The following ADAM12 variants were observed in gnomAD, a reference collection of about 807,000 sequenced individuals.
ADAM12 encodes the protein ADAM metallopeptidase domain 12, also known as disintegrin and metalloproteinase domain-containing protein 12.
In ADAM12, 70 loss-of-function variants were observed where a neutral mutation model predicts 106.4. The ratio of observed to expected loss-of-function variants is 0.66; its 90% CI spans 0.54 to 0.80. The LOEUF is 0.80. ADAM12 is among the 30% of genes least tolerant of loss of function. ADAM12 has a pLI of 0.00. For missense variants in ADAM12, 1,010 were observed against 1,171.9 expected, an observed-to-expected ratio of 0.86 and a Z score of 2.02; for synonymous variants, 420 against 433.5, an observed-to-expected ratio of 0.97 and a Z score of 0.39.
chr10:126,253,420 C>T (rs1336419593), intron 3 of ADAM12, among the ~76,000 whole-genome samples: 2 of 152,200 alleles, frequency 1.3e-5, no homozygotes, highest in Non-Finnish European at 2.9e-5. Flanking sequence ...GATTTATGCT[C>T]GCTTATCATT....
At chr10:126,023,643 T>C (rs1953812534) in intron 21 of ADAM12, among the ~76,000 whole-genome samples, 1 of 152,164 alleles carries the variant, frequency 6.6e-6, no homozygotes, top group Admixed American at 6.6e-5. Context: ...CATACTATAA[T>C]CTATCCCCAG....
intron 3 of ADAM12, among the ~76,000 whole-genome samples, chr10:126,168,143 C>T (rs924218697): frequency 6.6e-6 from 1 of 152,164 alleles, no homozygotes; most frequent in African/African-American, 2.4e-5. Context: ...GCCTTTTCAG[C>T]TGGGCTAACT....
At chr10:126,302,590 C>T (rs1017506905) in intron 2 of ADAM12, among the ~76,000 whole-genome samples, 154 of 152,144 alleles carry the variant, frequency 1.0e-3, no homozygotes, top group African/African-American at 3.5e-3. Context: ...AAGGGGAGGA[C>T]GTCTGAAGAG....
rs77583688 is a variant in ADAM12 at position 126,225,174 on chromosome 10, C to A, written c.260+53741G>T. Among the ~76,000 whole-genome samples the A allele has an allele frequency of 0.01, 1,582 of 152,332 alleles. 98 individuals carry two copies. In the East Asian group the frequency reaches 0.17, roughly 17 times the overall value. On this transcript the variant is annotated intron_variant, in intron 3 of 22. Coordinates refer to ENST00000448723, the MANE Select transcript of ADAM12 (RefSeq NM_001288973.2). ...AAAACATTCCTGACCATTTGTACCA[C>A]ATACACCTCTGCCCGACCCCTGGAA...
At chr10:126,018,912 C>T (rs1953708656) in intron 22 of ADAM12, among the ~76,000 whole-genome samples, 1 of 152,306 alleles carries the variant, frequency 6.6e-6, no homozygotes, top group Non-Finnish European at 1.5e-5. Flanking sequence ...ACTAATGTCT[C>T]AGGACCTCAG....
intron 3 of ADAM12, among the ~76,000 whole-genome samples, chr10:126,158,140 G>A (rs1956853057): frequency 6.6e-6 from 1 of 152,224 alleles, no homozygotes; most frequent in African/African-American, 2.4e-5. Flanking sequence ...GGGGCTGAGA[G>A]GGGACATGGG....
Position 126,064,702 on chromosome 10 carries a change from C to T in ADAM12, c.1609+104G>A, listed in dbSNP as rs1954827872. 3.2e-6 allele frequency: 4 copies of T among 1,256,458 alleles called. No individual in the cohort carries two copies. The highest frequency in any genetic ancestry group is 2.5e-5 in the East Asian group (1 of 39,314). 77.8% of individuals were successfully genotyped at this position (1,256,458 alleles called of 1,614,324 possible). On this transcript the variant is annotated intron_variant, in intron 14 of 22. Transcript: ENST00000448723. This position sits in a 1 kb window ranked among gnomAD's most constrained non-coding sequence, Gnocchi z 4.4. ...CACACCGGATGCTGTGTGGACAGCG[C>T]CCGCCAGGAGTGGGGGCTAACCAAA...
intron 3 of ADAM12, among the ~76,000 whole-genome samples, chr10:126,169,983 C>A (rs550221913): frequency 6.6e-6 from 1 of 152,138 alleles, no homozygotes; most frequent in Admixed American, 6.5e-5. Context: ...GGGCTGATGA[C>A]CTTGTAAGTG....
intron 1 of ADAM12, among the ~76,000 whole-genome samples, chr10:126,353,791 G>A (rs984276200): frequency 2.0e-5 from 3 of 152,140 alleles, no homozygotes; most frequent in Non-Finnish European, 4.4e-5. Context: ...TTAAAAAGAA[G>A]GGAAAGCTCC....
intron 13 of ADAM12, among the ~76,000 whole-genome samples, chr10:126,065,556 G>A (rs1274224262): frequency 6.6e-6 from 1 of 152,170 alleles, no homozygotes; most frequent in Non-Finnish European, 1.5e-5. Flanking sequence ...GGTAAAGGAT[G>A]TTAGAAGCCA....
chr10:126,227,327 T>C (rs1958217098), intron 3 of ADAM12, among the ~76,000 whole-genome samples: 1 of 152,060 alleles, frequency 6.6e-6, no homozygotes, highest in Admixed American at 6.6e-5. Flanking sequence ...TCACCACCTG[T>C]CATCATAACC....
chr10:126,275,546 C>G (rs986771978), intron 3 of ADAM12, among the ~76,000 whole-genome samples: 1 of 152,192 alleles, frequency 6.6e-6, no homozygotes, highest in Non-Finnish European at 1.5e-5. Flanking sequence ...TTAGATGACT[C>G]TCAGCATTAG....
chr10:126,089,530 A>G (rs1480883940), intron 11 of ADAM12, among the ~76,000 whole-genome samples: 1 of 152,190 alleles, frequency 6.6e-6, no homozygotes, highest in Non-Finnish European at 1.5e-5. Context: ...AATATCTCAG[A>G]GGCTGCATGG....
intron 21 of ADAM12, among the ~76,000 whole-genome samples, chr10:126,020,628 C>A (rs990605608): frequency 5.9e-5 from 9 of 152,104 alleles, no homozygotes; most frequent in Non-Finnish European, 1.2e-4. Context: ...AGGAAGTTCC[C>A]AGCACACAGA....
At chr10:126,093,931 C>A (rs1250591648) in intron 11 of ADAM12, 54 bp downstream of exon 11, 2 of 1,599,880 alleles carry the variant, frequency 1.3e-6, no homozygotes, top group South Asian at 1.1e-5. Context: ...TGGTTCCCAA[C>A]ACACACTTCA....
At position 126,014,601 on chromosome 10, in the gene ADAM12, C is replaced by T. The variant is rs931484672; in HGVS notation, c.*2678G>A. On this transcript the variant is annotated 3_prime_UTR_variant, in exon 23 of 23. Coordinates refer to ENST00000448723, the MANE Select transcript of ADAM12 (RefSeq NM_001288973.2). ...TGTTAGGCTTCGTTTCCCTCGGTTG[C>T]TACACATCTGATTACATGTGTCAGG... 7 of 152,192 alleles carry T rather than the reference C, an allele frequency of 4.6e-5. No individual in the cohort carries two copies. Among genetic ancestry groups the T allele is most frequent in the Non-Finnish European group, 8.8e-5 (6 of 68,022 alleles). The allele number at this position is 152,192 out of a possible 1,614,324, so 9.4% of individuals were successfully genotyped here. A position where few individuals can be genotyped will look rare whatever the true frequency, so the allele number is the denominator to read the frequency against.
At chr10:126,188,022 G>A (rs1038565782) in intron 3 of ADAM12, among the ~76,000 whole-genome samples, 1 of 152,160 alleles carries the variant, frequency 6.6e-6, no homozygotes, top group African/African-American at 2.4e-5. Context: ...GGAAGTGCAG[G>A]TTCCCAGGAG....
At position 126,137,222 on chromosome 10, in the gene ADAM12, G is replaced by A. The variant is rs568560919; in HGVS notation, c.340-1562C>T. Among the ~76,000 whole-genome samples the A allele has an allele frequency of 6.6e-5, 10 of 152,004 alleles. No individual in the cohort carries two copies. In the South Asian group the frequency reaches 1.9e-3, roughly 29 times the overall value. On this transcript the variant is annotated intron_variant, in intron 4 of 22. Transcript: ENST00000448723. ...CATGCTACCTTGGCATATATCAAAGGCCCACAGTATGTTTGTGGTGCCACT... is the reference window on the plus strand; with the variant it reads ...CATGCTACCTTGGCATATATCAAAGACCCACAGTATGTTTGTGGTGCCACT...
chr10:126,101,373 G>A, intron 8 of ADAM12, 132 bp from the exon 9 acceptor site: 1 of 865,256 alleles, frequency 1.2e-6, no homozygotes, highest in Non-Finnish European at 1.8e-6. Context: ...GTGCTCTTTG[G>A]TTCCTGTGGT....
Sources: gnomAD v4.1 joint callset for allele counts (sites outside exome capture counted in the v4.1 genomes callset) on GRCh38, gnomAD v4.1.1 for gene constraint, Gnocchi (gnomAD v3.1) non-coding constraint, MANE v1.5 for transcripts, NCBI Gene and HGNC (gene_info 2026-07-23, HGNC 2026-07-21) for gene names.